Variants in PCCA observed in about 807,000 individuals in gnomAD.
The protein encoded by PCCA is propionyl-CoA carboxylase subunit alpha.
A neutral mutation model predicts 101.3 loss-of-function variants in PCCA; 74 were observed. That is an observed-to-expected ratio of 0.73 (90% CI 0.61 to 0.89). The LOEUF is 0.89. PCCA is among the 40% of genes least tolerant of loss of function. PCCA has a pLI of 0.00. For missense variants in PCCA, 891 were observed against 907.0 expected (o/e 0.98, Z 0.23); for synonymous variants, 294 against 313.6 (o/e 0.94, Z 0.66).
intron 6 of PCCA, among the ~76,000 whole-genome samples, chr13:100,174,335 A>G (rs1487277343): frequency 6.6e-6 from 1 of 151,644 alleles, no homozygotes; most frequent in Non-Finnish European, 1.5e-5. Flanking sequence ...TTGTATGGAA[A>G]ACTTAAATGT....
At chr13:100,457,357 T>C (rs1379177670) in intron 21 of PCCA, among the ~76,000 whole-genome samples, 1 of 152,146 alleles carries the variant, frequency 6.6e-6, no homozygotes, top group Non-Finnish European at 1.5e-5. Flanking sequence ...TCAATGACTC[T>C]GAAGGTTCTG....
rs139718379 is a variant in PCCA, at chr13:100,403,549, T to A, written c.1747-22084T>A. On this transcript the variant is annotated intron_variant, in intron 19 of 23. Coordinates refer to ENST00000376285, the MANE Select transcript of PCCA (RefSeq NM_000282.4). ...TGGGGATGTGCCACACACTTTTAAA[T>A]GACCAGATTTCACTAAGGAGATGGC... Among the ~76,000 whole-genome samples, 193 of 152,232 alleles carry A rather than the reference T, an allele frequency of 1.3e-3. 1 individual carries two copies. The East Asian group carries it at 0.034, about 27-fold the overall frequency.
In PCCA at chr13:100,394,076, G is replaced by C. The variant is rs1390510732; in HGVS notation, c.1746+25502G>C. 6.6e-6 allele frequency among the ~76,000 whole-genome samples: 1 copy of C among 152,210 alleles called. No homozygotes were observed. The highest frequency in any genetic ancestry group is 2.4e-5 in the African/African-American group (1 of 41,450). On this transcript the variant is annotated intron_variant, in intron 19 of 23. Coordinates refer to ENST00000376285, the MANE Select transcript of PCCA (RefSeq NM_000282.4). This position sits in a 1 kb window ranked among gnomAD's most constrained non-coding sequence, Gnocchi z 4.3. ...GCCTCTGTATGCGTCAGCTGTGACT[G>C]AGTGTTTTGATGTCTTAGCAAAAGG...
chr13:100,498,235 C>CG (rs2085417614), intron 21 of PCCA, among the ~76,000 whole-genome samples: 1 of 127,968 alleles, frequency 7.8e-6, no homozygotes, highest in African/African-American at 2.8e-5. Flanking sequence ...GTAGGTTAGC[C>CG]AAAAAAAAAA....
chr13:100,382,784 G>T (rs1359860986), intron 19 of PCCA, among the ~76,000 whole-genome samples: 1 of 152,172 alleles, frequency 6.6e-6, no homozygotes, highest in African/African-American at 2.4e-5. Context: ...ATTAAAGGCA[G>T]TTGGGCTTGG....
chr13:100,420,634 C>T (rs185423677), intron 19 of PCCA, among the ~76,000 whole-genome samples: 11 of 152,134 alleles, frequency 7.2e-5, no homozygotes, highest in Admixed American at 3.3e-4. Flanking sequence ...GGCTTTGTAA[C>T]CACAGAATTA....
chr13:100,153,683 C>T (rs1388360275), intron 4 of PCCA, among the ~76,000 whole-genome samples: 1 of 152,060 alleles, frequency 6.6e-6, no homozygotes, highest in African/African-American at 2.4e-5. Context: ...TACCAGGCAA[C>T]GATAACCACG....
intron 4 of PCCA, among the ~76,000 whole-genome samples, chr13:100,119,525 A>G (rs897605347): frequency 6.6e-6 from 1 of 152,224 alleles, no homozygotes; most frequent in Non-Finnish European, 1.5e-5. Flanking sequence ...GATAATGGGA[A>G]GAACAAAATG....
intron 18 of PCCA, among the ~76,000 whole-genome samples, chr13:100,346,085 C>T (rs145848603): frequency 1.1e-4 from 16 of 152,234 alleles, no homozygotes; most frequent in African/African-American, 2.9e-4. Flanking sequence ...GTTGTTTTCA[C>T]GCCTGCTAAC....
At chr13:100,234,895 ACACACACACACACACACACC>A (rs1412470785) in intron 7 of PCCA, among the ~76,000 whole-genome samples, 4 of 151,098 alleles carry the variant, frequency 2.6e-5, no homozygotes, top group African/African-American at 9.7e-5. Context: ...TTACACAAAC[ACACACACACACACACACACC>A]CCACACATAC....
intron 20 of PCCA, among the ~76,000 whole-genome samples, chr13:100,443,289 A>G (rs2080515836): frequency 6.6e-6 from 1 of 152,092 alleles, no homozygotes; most frequent in Non-Finnish European, 1.5e-5. Flanking sequence ...TGTCTCTACA[A>G]ATAATTTTTT....
intron 16 of PCCA, among the ~76,000 whole-genome samples, chr13:100,322,992 A>G (rs1477447315): frequency 6.6e-6 from 1 of 152,230 alleles, no homozygotes; most frequent in Non-Finnish European, 1.5e-5. Context: ...TTCCCATGAT[A>G]TCTAATGGCT....
intron 6 of PCCA, among the ~76,000 whole-genome samples, chr13:100,175,579 C>T (rs1393309842): frequency 6.6e-6 from 1 of 152,064 alleles, no homozygotes; most frequent in African/African-American, 2.4e-5. Flanking sequence ...TTAATGTGCT[C>T]ATTAGTGGTG....
chr13:100,529,806 G>A (rs556322953), intron 23 of PCCA, among the ~76,000 whole-genome samples: 2 of 152,166 alleles, frequency 1.3e-5, no homozygotes, highest in Admixed American at 1.3e-4. Context: ...GTGCCAGAGC[G>A]CAGGCCACAG....
chr13:100,507,013 A>G (rs894138651), intron 21 of PCCA, among the ~76,000 whole-genome samples: 17 of 152,208 alleles, frequency 1.1e-4, no homozygotes, highest in African/African-American at 4.1e-4. Context: ...ACATAAAACA[A>G]TTCGAGATAC....
At position 100,516,557 on chromosome 13, in the gene PCCA, T is replaced by G. The variant is rs1464897411; in HGVS notation, c.2040+990T>G. 3.9e-5 allele frequency among the ~76,000 whole-genome samples: 6 copies of G among 152,362 alleles called. No individual in the cohort carries two copies. In the East Asian group the frequency reaches 1.2e-3, roughly 29 times the overall value. ...GAAGTTAGAAAACCGACTTAACAGC[T>G]GCTTTACCTGGTGATACAGAAATAG... On this transcript the variant is annotated intron_variant, in intron 22 of 23. Coordinates refer to ENST00000376285, the MANE Select transcript of PCCA (RefSeq NM_000282.4).
intron 19 of PCCA, among the ~76,000 whole-genome samples, chr13:100,416,613 A>T (rs1015713072): frequency 6.7e-6 from 1 of 150,266 alleles, no homozygotes; most frequent in Non-Finnish European, 1.5e-5. Context: ...GCTCACTGCA[A>T]CCTCCACCTG....
intron 6 of PCCA, among the ~76,000 whole-genome samples, chr13:100,188,754 G>T (rs910225513): frequency 6.6e-6 from 1 of 152,062 alleles, no homozygotes; most frequent in East Asian, 1.9e-4. Context: ...GGCCATTCTT[G>T]CAGGAGTAAG....
intron 21 of PCCA, among the ~76,000 whole-genome samples, chr13:100,497,197 G>C (rs2085337422): frequency 6.6e-6 from 1 of 152,174 alleles, no homozygotes; most frequent in Non-Finnish European, 1.5e-5. Context: ...CAGTTAATTT[G>C]GTTGCACTGG....
Sources: gnomAD v4.1 joint callset for allele counts (sites outside exome capture counted in the v4.1 genomes callset) on GRCh38, gnomAD v4.1.1 for gene constraint, Gnocchi (gnomAD v3.1) non-coding constraint, MANE v1.5 for transcripts, NCBI Gene and HGNC (gene_info 2026-07-23, HGNC 2026-07-21) for gene names.